RPN1: variants seen among roughly 807,000 people sequenced by gnomAD.
RPN1 encodes ribophorin I.
In RPN1, 12 loss-of-function variants were observed where a neutral mutation model predicts 55.5. The ratio of observed to expected loss-of-function variants is 0.22; its 90% CI spans 0.14 to 0.35. RPN1 has a LOEUF of 0.35. RPN1 is among the 10% of genes least tolerant of loss of function. The pLI, the probability that RPN1 is intolerant of heterozygous loss-of-function variation, is 1.00. For missense variants in RPN1, 679 were observed against 761.3 expected, an observed-to-expected ratio of 0.89 and a Z score of 1.27; for synonymous variants, 317 against 305.9, an observed-to-expected ratio of 1.04 and a Z score of -0.38.
At chr3:128,647,240 G>A (rs1325086721) in intron 1 of RPN1, among the ~76,000 whole-genome samples, 1 of 152,050 alleles carries the variant, frequency 6.6e-6, no homozygotes, top group Non-Finnish European at 1.5e-5. Context: ...CTATCTTTTA[G>A]GACTGAAGTA....
chr3:128,630,226 C>A, intron 4 of RPN1, 83 bp from the exon 5 acceptor site: 3 of 870,750 alleles, frequency 3.4e-6, no homozygotes, highest in South Asian at 3.6e-5. Flanking sequence ...ACTTCCTGCA[C>A]CAAGATCCTC....
At position 128,629,984 on chromosome 3, in the gene RPN1, T is replaced by C; in HGVS notation, c.1003A>G (p.Asn335Asp). The change falls in exon 5 of 10, where the codon AAC becomes GAC. Residue 335 changes from asparagine (N) to aspartate (D), a missense_variant. Asn to Asp is a conservative substitution (Grantham distance 23). Around this residue, in one of 3 missense-constraint regions of RPN1, gnomAD observed 306 missense variants for 360.0 expected, o/e 0.85. Coordinates refer to ENST00000296255, the MANE Select transcript of RPN1 (RefSeq NM_002950.4). Reference sequence around the variant, plus strand: ...TAGAGGTACTCATAGCTTGGGAGGTTGTAGCCAACGATGTAATGGGTCTTC... The same window carrying C: ...TAGAGGTACTCATAGCTTGGGAGGTCGTAGCCAACGATGTAATGGGTCTTC... ...GWKTHYIVGY[N>D]LPSYEYLYNL... 2 of 1,613,246 alleles carry C rather than the reference T, an allele frequency of 1.2e-6. No individual in the cohort carries two copies. Among genetic ancestry groups the C allele is most frequent in the African/African-American group, 1.3e-5 (1 of 75,038 alleles).
chr3:128,631,561 G>A (rs1435866040), intron 4 of RPN1, among the ~76,000 whole-genome samples: 2 of 151,824 alleles, frequency 1.3e-5, no homozygotes, highest in Non-Finnish European at 2.9e-5. Flanking sequence ...GGCCAACATG[G>A]TGAAATCCTG....
chr3:128,629,786 T>C (rs2069628490), intron 5 of RPN1, among the ~76,000 whole-genome samples, 165 bp downstream of exon 5: 1 of 152,236 alleles, frequency 6.6e-6, no homozygotes, highest in South Asian at 2.1e-4. Context: ...GTATTACTTT[T>C]ACAATACTAA....
intron 5 of RPN1, among the ~76,000 whole-genome samples, chr3:128,629,243 CTTAT>C (rs2069624561): frequency 6.6e-6 from 1 of 151,960 alleles, no homozygotes. Flanking sequence ...TTTTCTGTAT[CTTAT>C]TTTTCAGTAA....
intron 3 of RPN1, among the ~76,000 whole-genome samples, chr3:128,635,330 C>A (rs1186640975): frequency 8.6e-5 from 13 of 151,016 alleles, no homozygotes; most frequent in African/African-American, 3.2e-4. Context: ...GAGACAGAGT[C>A]TTGCTCTGTT....
At chr3:128,650,217 C>T (rs1199387936) in intron 1 of RPN1, among the ~76,000 whole-genome samples, 1 of 152,230 alleles carries the variant, frequency 6.6e-6, no homozygotes, top group Non-Finnish European at 1.5e-5. Flanking sequence ...ACGGCCCAAA[C>T]AGGGGCAAGC....
chr3:128,650,508 G>A lies in RPN1; in HGVS notation c.261+32C>T. Reference sequence around the variant, plus strand: ...CAGGAAGGGAGGCGGGAAGGGTCCCGGGAGCGGCGGCGAGGGGTCGCCCAC... The same window carrying A: ...CAGGAAGGGAGGCGGGAAGGGTCCCAGGAGCGGCGGCGAGGGGTCGCCCAC... On this transcript the variant is annotated intron_variant, in intron 1 of 9. Transcript: ENST00000296255. The A allele has an allele frequency of 2.6e-6, 4 of 1,512,428 alleles. No individual in the cohort carries two copies. The South Asian group carries it at 3.7e-5, about 14-fold the overall frequency. The allele number at this position is 1,512,428 out of a possible 1,614,324, so 93.7% of individuals were successfully genotyped here. A position where few individuals can be genotyped will look rare whatever the true frequency, so the allele number is the denominator to read the frequency against.
intron 8 of RPN1, among the ~76,000 whole-genome samples, chr3:128,624,482 GAA>G (rs1349550876): frequency 7.7e-6 from 1 of 129,252 alleles, no homozygotes; most frequent in Non-Finnish European, 1.7e-5. Flanking sequence ...TCCGTCTCAG[GAA>G]AAAAAAAAAA....
At position 128,625,918 on chromosome 3, in the gene RPN1, C is replaced by G. The variant is rs751153290; in HGVS notation, c.1231G>C (p.Ala411Pro). 1 of 1,613,642 alleles carries G rather than the reference C, an allele frequency of 6.2e-7. No individual in the cohort carries two copies. Among genetic ancestry groups the G allele is most frequent in the East Asian group, 2.2e-5 (1 of 44,892 alleles). ...TGTTCTACCAGATTTTTCTTGTAGG[C>G]AACAATCACAGGGCGGCCAAATGTG... ...LDTFGRPVIV[A>P]YKKNLVEQHI... Residue 411 changes from alanine (A) to proline (P), a missense_variant, in exon 7 of 10, where the codon GCC becomes CCC. Physicochemically the swap from Ala to Pro is conservative, Grantham distance 27 (BLOSUM62 -1). Transcript: ENST00000296255.
chr3:128,634,534 T>C lies in RPN1; in HGVS notation c.634-2377A>G, dbSNP rs189274177. Among the ~76,000 whole-genome samples the C allele has an allele frequency of 1.3e-3, 193 of 151,842 alleles. 1 individual carries two copies. Among genetic ancestry groups the C allele is most frequent in the African/African-American group, 4.5e-3 (188 of 41,422 alleles). On this transcript the variant is annotated intron_variant, in intron 3 of 9. Transcript: ENST00000296255. ...AGTGGTTGTGAACTGACCTCAAATC[T>C]TCCTTTTTGCCAAATGGTCTCCATA...
chr3:128,638,182 C>T (rs188649882), intron 2 of RPN1, 77 bp from the exon 3 acceptor site: 461 of 1,139,078 alleles, frequency 4.0e-4, no homozygotes, highest in Non-Finnish European at 5.4e-4. Flanking sequence ...AAAGTCACAA[C>T]AAAATTTTGA....
rs1263314391 is a variant in RPN1 at position 128,630,127 on chromosome 3, G to C, written c.860C>G (p.Ala287Gly). 6.2e-7 allele frequency: 1 copy of C among 1,612,314 alleles called. No homozygotes were observed. Among genetic ancestry groups the C allele is most frequent in the Non-Finnish European group, 8.5e-7 (1 of 1,178,876 alleles). ...ATCCCGGTAATAAACATCCTGGGCA[G>C]CAGCAGGAAGGATGGTCTGCAAGAG... ...IRSFKTILPAAAQDVYYRDEI... is the reference protein window; with the variant it reads ...IRSFKTILPAGAQDVYYRDEI... Residue 287 changes from alanine (A) to glycine (G), a missense_variant, in exon 5 of 10, where the codon GCT becomes GGT. By Grantham distance (60) the Ala-to-Gly change is moderately conservative (BLOSUM62 0). Coordinates refer to ENST00000296255, the MANE Select transcript of RPN1 (RefSeq NM_002950.4).
intron 3 of RPN1, among the ~76,000 whole-genome samples, chr3:128,634,651 C>T (rs2069664186): frequency 6.6e-6 from 1 of 151,812 alleles, no homozygotes; most frequent in South Asian, 2.1e-4. Context: ...CAACTTCCAC[C>T]TCCCAGGTTC....
In RPN1 at chr3:128,622,553, T is replaced by TA; in HGVS notation, c.1396-145dup. ...AAAGTCAAAGTCAAACCCCTACTGA[T>TA]ACCTAATCTGGACCAGGTTCAGCAA... On this transcript the variant is annotated intron_variant, in intron 8 of 9. Coordinates refer to ENST00000296255, the MANE Select transcript of RPN1 (RefSeq NM_002950.4). 4.0e-6 allele frequency: 4 copies of TA among 1,011,754 alleles called. No homozygotes were observed. The South Asian group carries it at 6.2e-5, about 16-fold the overall frequency. The allele number at this position is 1,011,754 out of a possible 1,614,324, so 62.7% of individuals were successfully genotyped here.
At chr3:128,630,199 G>C (rs2069631520) in intron 4 of RPN1, 56 bp from the exon 5 acceptor site, 1 of 1,224,400 alleles carries the variant, frequency 8.2e-7, no homozygotes, top group African/African-American at 1.5e-5. Flanking sequence ...GAGAGGAAAT[G>C]ATCCTAAACA....
chr3:128,623,948 C>A (rs1243126547), intron 8 of RPN1, among the ~76,000 whole-genome samples: 1 of 151,990 alleles, frequency 6.6e-6, no homozygotes, highest in Admixed American at 6.6e-5. Flanking sequence ...TAAAGGGGCA[C>A]AACGTCTGCA....
At chr3:128,643,688 C>A (rs1405001161) in intron 2 of RPN1, among the ~76,000 whole-genome samples, 5 of 151,736 alleles carry the variant, frequency 3.3e-5, no homozygotes, top group African/African-American at 1.2e-4. Context: ...CACAGCTACT[C>A]GGGAGGCTGC....
intron 2 of RPN1, among the ~76,000 whole-genome samples, chr3:128,643,458 G>A (rs1323531428): frequency 2.0e-5 from 3 of 152,198 alleles, no homozygotes; most frequent in African/African-American, 4.8e-5. Context: ...GAAGTCAGAA[G>A]TTCGAGACCA....
Sources: gnomAD v4.1 joint callset for allele counts (sites outside exome capture counted in the v4.1 genomes callset) on GRCh38, gnomAD v4.1.1 for gene constraint, gnomAD v4.1.1 regional missense constraint, MANE v1.5 for transcripts, NCBI Gene and HGNC (gene_info 2026-07-23, HGNC 2026-07-21) for gene names.